The following DCC variants were observed in gnomAD, a reference collection of about 807,000 sequenced individuals.
The protein encoded by DCC is netrin receptor DCC.
A neutral mutation model predicts 172.5 loss-of-function variants in DCC; 58 were observed. The ratio of observed to expected loss-of-function variants is 0.34; its 90% confidence interval spans 0.27 to 0.42. The LOEUF (loss-of-function observed/expected upper bound fraction) is 0.42, where lower values mean the gene tolerates loss of function less well. Ranked by LOEUF, DCC falls within the 10% of genes least tolerant of loss-of-function variation. The probability of loss-of-function intolerance (pLI) is 1.00; values close to 1 mark genes in which losing one functional copy is unlikely to be tolerated. For missense variants in DCC, 1,740 were observed against 1,791.0 expected, an observed-to-expected ratio of 0.97 and a Z score of 0.51; for synonymous variants, 709 against 644.5, an observed-to-expected ratio of 1.10 and a Z score of -1.52.
chr18:53,411,724 CAGCCAA>C (rs1910001575), intron 20 of DCC, among the ~76,000 whole-genome samples: 1 of 152,118 alleles, frequency 6.6e-6, no homozygotes, highest in African/African-American at 2.4e-5. Flanking sequence ...AGCAAGCATT[CAGCCAA>C]AGCTTGCATG....
intron 25 of DCC, among the ~76,000 whole-genome samples, chr18:53,485,421 C>G (rs2045889371): frequency 6.6e-6 from 1 of 152,008 alleles, no homozygotes; most frequent in African/African-American, 2.4e-5. Context: ...TGAAATATCA[C>G]TTAGATCTTC....
intron 1 of DCC, among the ~76,000 whole-genome samples, chr18:52,429,439 G>A (rs73955629): frequency 0.018 from 2,795 of 152,112 alleles, 36 homozygotes; most frequent in South Asian, 0.032. Flanking sequence ...CACTCTTTAC[G>A]TTTGATGTTA....
intron 1 of DCC, among the ~76,000 whole-genome samples, chr18:52,466,200 G>A (rs1452210523): frequency 1.3e-5 from 2 of 152,216 alleles, no homozygotes; most frequent in African/African-American, 4.8e-5. Flanking sequence ...CTTTATAGAC[G>A]TTTTGTCTGG....
At chr18:53,073,907 TTATAA>T (rs1328952414) in intron 7 of DCC, among the ~76,000 whole-genome samples, 6 of 151,068 alleles carry the variant, frequency 4.0e-5, no homozygotes, top group East Asian at 1.9e-4. Flanking sequence ...TGTATATATA[TTATAA>T]TATAATTACA....
intron 27 of DCC, among the ~76,000 whole-genome samples, chr18:53,511,835 TAGCAC>T (rs554639943): frequency 0.038 from 5,755 of 152,208 alleles, 358 homozygotes; most frequent in African/African-American, 0.13. Context: ...CGCTGATTGC[TAGCAC>T]AGCACGGCAG....
At chr18:52,408,439 A>ATTTTGAATTTCATTTTAGAAATATGT (rs1367167273) in intron 1 of DCC, among the ~76,000 whole-genome samples, 20 of 152,058 alleles carry the variant, frequency 1.3e-4, no homozygotes, top group African/African-American at 4.3e-4. Context: ...GAAATTATAC[A>ATTTTGAATTTCATTTTAGAAATATGT]TTTTGAATTT....
intron 1 of DCC, among the ~76,000 whole-genome samples, chr18:52,748,095 G>T (rs561146493): frequency 6.6e-6 from 1 of 152,290 alleles, no homozygotes; most frequent in African/African-American, 2.4e-5. Context: ...GCGGTGAGGG[G>T]TGTGTGAGTG....
At chr18:53,260,365 G>T (rs58280938) in intron 12 of DCC, among the ~76,000 whole-genome samples, 6,243 of 152,092 alleles carry the variant, frequency 0.041, 390 homozygotes, top group African/African-American at 0.14. Flanking sequence ...TGATGGTGAC[G>T]TACAGATGGG....
At chr18:53,281,905 A>G (rs2056877106) in intron 12 of DCC, among the ~76,000 whole-genome samples, 1 of 152,094 alleles carries the variant, frequency 6.6e-6, no homozygotes, top group Non-Finnish European at 1.5e-5. Context: ...TCTTATACAC[A>G]GCTACGCTGG....
chr18:53,500,209 G>A (rs1319853345), intron 27 of DCC, among the ~76,000 whole-genome samples: 1 of 152,134 alleles, frequency 6.6e-6, no homozygotes, highest in Admixed American at 6.6e-5. Context: ...GTTAGGGGTT[G>A]AGGAGGGGGA....
chr18:53,481,952 G>T (rs115053584), intron 25 of DCC, among the ~76,000 whole-genome samples: 1 of 152,186 alleles, frequency 6.6e-6, no homozygotes, highest in African/African-American at 2.4e-5. Flanking sequence ...ATATTTTGCC[G>T]CAGAGCAGAG....
intron 5 of DCC, among the ~76,000 whole-genome samples, chr18:53,056,855 T>A (rs2042411721): frequency 6.6e-6 from 1 of 151,958 alleles, no homozygotes; most frequent in African/African-American, 2.4e-5. Context: ...ACCAGAGTGG[T>A]TTGTGCTGCC....
chr18:52,952,915 T>C (rs1352401337), intron 5 of DCC, among the ~76,000 whole-genome samples: 1 of 143,644 alleles, frequency 7.0e-6, no homozygotes, highest in Non-Finnish European at 1.5e-5. Context: ...GGAGAATTGA[T>C]TGATCCCAGG....
chr18:53,121,734 AT>A (rs1183762751), intron 7 of DCC, among the ~76,000 whole-genome samples: 1 of 151,988 alleles, frequency 6.6e-6, no homozygotes, highest in Non-Finnish European at 1.5e-5. Context: ...TTTTACATGT[AT>A]TTTTTTAAAT....
At chr18:52,946,247 G>C (rs983761891) in intron 5 of DCC, among the ~76,000 whole-genome samples, 2 of 152,132 alleles carry the variant, frequency 1.3e-5, no homozygotes. Context: ...GTAAACTTCT[G>C]ATGACCAGAG....
Position 53,249,462 on chromosome 18 carries a change from G to A in DCC, c.1911+33865G>A, listed in dbSNP as rs139542787. On this transcript the variant is annotated intron_variant, in intron 12 of 28. Transcript: ENST00000442544. ...GATCAAGGGCTATGTCTACGACCTCGGGGTAGTAGAAGTCTATTTCATGAA... is the reference window on the plus strand; with the variant it reads ...GATCAAGGGCTATGTCTACGACCTCAGGGTAGTAGAAGTCTATTTCATGAA... Among the ~76,000 whole-genome samples, 9 of 151,806 alleles carry A rather than the reference G, an allele frequency of 5.9e-5. No homozygotes were observed. The East Asian group carries it at 1.2e-3, about 20-fold the overall frequency.
In DCC at chr18:53,114,426, T is replaced by TA. The variant is rs562899175; in HGVS notation, c.1262-42924dup. Among the ~76,000 whole-genome samples the TA allele has an allele frequency of 2.6e-4, 39 of 151,710 alleles. No homozygotes were observed. The East Asian group carries it at 7.4e-3, about 29-fold the overall frequency. ...CTTGCATATTTTAAGAGAAATCACA[T>TA]AAAAAAGTAATAGAGTATCTCAGTA... On this transcript the variant is annotated intron_variant, in intron 7 of 28. Coordinates refer to ENST00000442544, the MANE Select transcript of DCC (RefSeq NM_005215.4).
intron 1 of DCC, among the ~76,000 whole-genome samples, chr18:52,640,743 TG>T (rs1484198277): frequency 6.6e-6 from 1 of 152,038 alleles, no homozygotes. Context: ...ACACATCAAA[TG>T]TTCATGGATG....
chr18:52,463,074 T>TA (rs1568181461), intron 1 of DCC, among the ~76,000 whole-genome samples: 1 of 152,198 alleles, frequency 6.6e-6, no homozygotes, highest in Non-Finnish European at 1.5e-5. Flanking sequence ...ATAGCATACT[T>TA]ACCGTAATAG....
Sources: gnomAD v4.1 joint callset for allele counts (sites outside exome capture counted in the v4.1 genomes callset) on GRCh38, gnomAD v4.1.1 for gene constraint, MANE v1.5 for transcripts, NCBI Gene and HGNC (gene_info 2026-07-23, HGNC 2026-07-21) for gene names.